The following CCDC7 variants were observed in gnomAD, a reference collection of about 807,000 sequenced individuals.
The protein encoded by CCDC7 is coiled-coil domain-containing protein 7.
A neutral mutation model predicts 196.9 loss-of-function variants in CCDC7; 183 were observed. That is an observed-to-expected ratio of 0.93 (90% CI 0.82 to 1.05). CCDC7 has a LOEUF of 1.05. Ranked by LOEUF, CCDC7 falls within the 50% of genes least tolerant of loss-of-function variation. The pLI is 0.00. For missense variants in CCDC7, 1,540 were observed against 1,482.2 expected (o/e 1.04, Z -0.64); for synonymous variants, 525 against 484.6 (o/e 1.08, Z -1.10).
intron 28 of CCDC7, among the ~76,000 whole-genome samples, chr10:32,736,547 C>A (rs572191754): frequency 4.6e-5 from 7 of 152,176 alleles, no homozygotes; most frequent in East Asian, 3.9e-4. Flanking sequence ...CCGCTCCCCC[C>A]ACCCCACAAC....
intron 13 of CCDC7, among the ~76,000 whole-genome samples, chr10:32,547,317 A>G (rs1474921180): frequency 2.6e-5 from 4 of 152,144 alleles, no homozygotes; most frequent in Non-Finnish European, 5.9e-5. Context: ...ATAAGCCACC[A>G]TGCCTGGCTA....
intron 18 of CCDC7, among the ~76,000 whole-genome samples, chr10:32,592,643 G>A (rs1314763428): frequency 1.3e-5 from 2 of 152,004 alleles, no homozygotes; most frequent in African/African-American, 4.8e-5. Context: ...TTGGTGTGCT[G>A]CACCCGTTAA....
chr10:32,691,558 AAGG>A (rs1401812601), intron 23 of CCDC7, among the ~76,000 whole-genome samples: 1 of 152,198 alleles, frequency 6.6e-6, no homozygotes, highest in Non-Finnish European at 1.5e-5. Context: ...ATTATCTTAT[AAGG>A]AGGTTTAATT....
At chr10:32,528,031 C>G (rs2048938473) in intron 11 of CCDC7, among the ~76,000 whole-genome samples, 1 of 152,122 alleles carries the variant, frequency 6.6e-6, no homozygotes, top group African/African-American at 2.4e-5. Context: ...ACCTCCCTGC[C>G]TACCCACTGA....
chr10:32,616,562 TTGG>T (rs1369122056), intron 18 of CCDC7, among the ~76,000 whole-genome samples: 1 of 151,662 alleles, frequency 6.6e-6, no homozygotes, highest in East Asian at 1.9e-4. Flanking sequence ...TTTTTTTTTT[TTGG>T]TGAAGTCTTT....
intron 20 of CCDC7, among the ~76,000 whole-genome samples, chr10:32,639,681 G>A (rs1318899865): frequency 6.7e-6 from 1 of 149,440 alleles, no homozygotes; most frequent in African/African-American, 2.5e-5. Context: ...AGGCTGGAGT[G>A]CAGTGGCACG....
intron 28 of CCDC7, among the ~76,000 whole-genome samples, chr10:32,734,723 C>T (rs778511155): frequency 1.1e-4 from 17 of 151,992 alleles, no homozygotes; most frequent in Non-Finnish European, 1.6e-4. Context: ...GGTAAAACCC[C>T]GTCTCCATTA....
At chr10:32,527,823 A>C (rs1249252292) in intron 11 of CCDC7, among the ~76,000 whole-genome samples, 1 of 152,162 alleles carries the variant, frequency 6.6e-6, no homozygotes, top group African/African-American at 2.4e-5. Context: ...GTAGAGAATA[A>C]TGGTTATGGA....
exon 25 of CCDC7, chr10:32,711,690 A>G (rs2080863649): frequency 2.5e-6 from 4 of 1,593,546 alleles, no homozygotes; most frequent in Non-Finnish European, 8.5e-7. Context: ...TCCAAGTGCA[A>G]TTAGAGATTC....
At position 32,622,084 on chromosome 10, in the gene CCDC7, A is replaced by G. The variant is rs528475735; in HGVS notation, c.1802-12170A>G. Among the ~76,000 whole-genome samples, 3 of 152,290 alleles carry G rather than the reference A, an allele frequency of 2.0e-5. No homozygotes were observed. In the South Asian group the frequency reaches 6.2e-4, roughly 32 times the overall value. On this transcript the variant is annotated intron_variant, in intron 18 of 41. Transcript: ENST00000639629. ...TGTGTTTTATCTCTCACCTTTCTCTACGGAATTCAGTTTGCAAATGTACTG... is the reference window on the plus strand; with the variant it reads ...TGTGTTTTATCTCTCACCTTTCTCTGCGGAATTCAGTTTGCAAATGTACTG...
chr10:32,482,901 T>G (rs1416783849), intron 8 of CCDC7, among the ~76,000 whole-genome samples: 1 of 152,204 alleles, frequency 6.6e-6, no homozygotes, highest in African/African-American at 2.4e-5. Flanking sequence ...TCTATCATTG[T>G]TGGACATTTG....
chr10:32,701,243 T>A (rs1022782629), intron 24 of CCDC7, among the ~76,000 whole-genome samples: 8 of 152,164 alleles, frequency 5.3e-5, no homozygotes, highest in Non-Finnish European at 8.8e-5. Flanking sequence ...AATACCTAAT[T>A]TATTGAGAGT....
At chr10:32,475,612 A>T (rs1468419717) in intron 8 of CCDC7, among the ~76,000 whole-genome samples, 1 of 152,192 alleles carries the variant, frequency 6.6e-6, no homozygotes, top group Non-Finnish European at 1.5e-5. Flanking sequence ...GCAAATTCGT[A>T]AGATCTTTTT....
At chr10:32,591,204 A>T (rs779714285) in intron 18 of CCDC7, among the ~76,000 whole-genome samples, 8 of 151,848 alleles carry the variant, frequency 5.3e-5, no homozygotes, top group Non-Finnish European at 1.0e-4. Context: ...TAATTTATAG[A>T]TCTTGTAGGC....
chr10:32,749,535 T>C (rs2075348740), intron 28 of CCDC7, among the ~76,000 whole-genome samples: 1 of 152,232 alleles, frequency 6.6e-6, no homozygotes, highest in Admixed American at 6.5e-5. Flanking sequence ...AACTATTGTC[T>C]TTATTTTTAT....
chr10:32,634,814 A>G (rs2065373654), intron 19 of CCDC7, among the ~76,000 whole-genome samples: 1 of 152,252 alleles, frequency 6.6e-6, no homozygotes, highest in Non-Finnish European at 1.5e-5. Context: ...CAAAATAACT[A>G]GAGAACTAAA....
At chr10:32,568,182 T>G (rs879562563) in intron 15 of CCDC7, among the ~76,000 whole-genome samples, 2 of 152,018 alleles carry the variant, frequency 1.3e-5, no homozygotes, top group Non-Finnish European at 2.9e-5. Flanking sequence ...AATTTTTGTA[T>G]TTTTAGTAGA....
At chr10:32,681,998 A>G (rs2075924311) in intron 21 of CCDC7, among the ~76,000 whole-genome samples, 1 of 151,962 alleles carries the variant, frequency 6.6e-6, no homozygotes, top group African/African-American at 2.4e-5. Flanking sequence ...CAATTACCCA[A>G]TTGTATCAGC....
intron 28 of CCDC7, among the ~76,000 whole-genome samples, chr10:32,778,190 T>A (rs1042195144): frequency 2.6e-5 from 4 of 152,198 alleles, no homozygotes; most frequent in African/African-American, 9.6e-5. Flanking sequence ...TTAGTTTAAC[T>A]AGATCCCATT....
Sources: allele counts gnomAD v4.1 joint callset (sites outside exome capture counted in the v4.1 genomes callset), GRCh38; gene constraint gnomAD v4.1.1; transcripts MANE v1.5; gene names NCBI Gene and HGNC (gene_info 2026-07-23, HGNC 2026-07-21).